Variants in ARFGEF3 observed in about 807,000 individuals in gnomAD.
The protein encoded by ARFGEF3 is ARFGEF family member 3, also known as brefeldin A-inhibited guanine nucleotide-exchange protein 3.
ARFGEF3 carries 96 observed loss-of-function variants against 221.7 expected under a neutral mutation model. The observed-to-expected ratio is 0.43, with a 90% confidence interval of 0.37 to 0.51. The LOEUF is 0.51. ARFGEF3 is among the 20% of genes least tolerant of loss of function. ARFGEF3 has a pLI of 0.00. For missense variants in ARFGEF3, 2,410 were observed against 2,789.9 expected (o/e 0.86, Z 3.07); for synonymous variants, 1,145 against 1,126.8 (o/e 1.02, Z -0.32).
chr6:138,313,724 T>C lies in ARFGEF3; in HGVS notation c.4201-71T>C, dbSNP rs1779870688. Reference sequence around the variant, plus strand: ...CTTTTAGTACTAGTGTATAATTTCATTATTCTTTAAAACCCACAATGCAGC... The same window carrying C: ...CTTTTAGTACTAGTGTATAATTTCACTATTCTTTAAAACCCACAATGCAGC... On this transcript the variant is annotated intron_variant, in intron 25 of 33. Transcript: ENST00000251691. The C allele has an allele frequency of 2.3e-6, 3 of 1,279,836 alleles. No homozygotes were observed. In the East Asian group the frequency reaches 7.1e-5, roughly 30 times the overall value. The allele number at this position is 1,279,836 out of a possible 1,614,324, so 79.3% of individuals were successfully genotyped here. A position where few individuals can be genotyped will look rare whatever the true frequency, so the allele number is the denominator to read the frequency against.
rs765864713 is a variant in ARFGEF3, at chr6:138,336,658, C to T, written c.*172C>T. ...TCCAACCACTGATCAGCATTGGGGCCATACTAAGGTTTGTATCTAGATGAC... is the reference window on the plus strand; with the variant it reads ...TCCAACCACTGATCAGCATTGGGGCTATACTAAGGTTTGTATCTAGATGAC... On this transcript the variant is annotated 3_prime_UTR_variant, in exon 34 of 34. Transcript: ENST00000251691. 35 of 474,102 alleles carry T rather than the reference C, an allele frequency of 7.4e-5. No individual in the cohort carries two copies. Among genetic ancestry groups the T allele is most frequent in the Non-Finnish European group, 1.2e-4 (32 of 271,918 alleles). The allele number at this position is 474,102 out of a possible 1,614,324, so 29.4% of individuals were successfully genotyped here. A position where few individuals can be genotyped will look rare whatever the true frequency, so the allele number is the denominator to read the frequency against.
At chr6:138,228,848 G>A (rs923794734) in intron 4 of ARFGEF3, among the ~76,000 whole-genome samples, 1 of 152,254 alleles carries the variant, frequency 6.6e-6, no homozygotes, top group Non-Finnish European at 1.5e-5. Flanking sequence ...GCAGGGCATG[G>A]CTGTGGGGTT....
At chr6:138,323,966 C>T in intron 30 of ARFGEF3, 57 bp from the exon 31 acceptor site, 1 of 1,593,760 alleles carries the variant, frequency 6.3e-7, no homozygotes, top group Non-Finnish European at 8.6e-7. Flanking sequence ...AGATCCAAGA[C>T]TGAGCCCGGC....
intron 6 of ARFGEF3, among the ~76,000 whole-genome samples, chr6:138,240,727 C>G (rs780875820): frequency 6.6e-6 from 1 of 152,126 alleles, no homozygotes; most frequent in Non-Finnish European, 1.5e-5. Context: ...ACATAGGTCT[C>G]AGGTTGCTGG....
rs926455477 is a variant in ARFGEF3, at chr6:138,263,052, T to A, written c.1569T>A (p.Thr523=). ...CTCTCGAGGGAGAGTTGGGTCAGAC[T>A]ACACCCGAGGACCATTCGGGAAACC... The part of the protein sequence containing the change: ...QTTLEGELGQ[T]TPEDHSGNHK... The change falls in exon 12 of 34, where the codon ACT becomes ACA. Residue 523 remains threonine, a synonymous_variant. Coordinates refer to ENST00000251691, the MANE Select transcript of ARFGEF3 (RefSeq NM_020340.5). 11 of 1,612,502 alleles carry A rather than the reference T, an allele frequency of 6.8e-6. No homozygotes were observed. Among genetic ancestry groups the A allele is most frequent in the Non-Finnish European group, 8.5e-6 (10 of 1,179,368 alleles).
rs759984445 is a variant in ARFGEF3, at chr6:138,291,803, A to T, written c.3118A>T (p.Ile1040Phe). ...SDGASQPPLT[I>F]SQPQKATGSA... ...TGGTGCCTCGCAGCCCCCTCTGACC[A>T]TCAGCCAGCCCCAGAAGGCCACTGG... Residue 1040 changes from isoleucine (I) to phenylalanine (F), a missense_variant, in exon 19 of 34, where the codon ATC becomes TTC. Ile to Phe is a conservative substitution (Grantham distance 21). Coordinates refer to ENST00000251691, the MANE Select transcript of ARFGEF3 (RefSeq NM_020340.5). The surrounding 1 kb of genome is among the most constrained non-coding windows in gnomAD (Gnocchi z 4.5). 3 of 1,480,794 alleles carry T rather than the reference A, an allele frequency of 2.0e-6. No homozygotes were observed. The highest frequency in any genetic ancestry group is 2.6e-5 in the East Asian group (1 of 39,168). 91.7% of individuals were successfully genotyped at this position (1,480,794 alleles called of 1,614,324 possible).
At chr6:138,175,145 TGTG>T (rs1402173367) in intron 2 of ARFGEF3, among the ~76,000 whole-genome samples, 1 of 152,220 alleles carries the variant, frequency 6.6e-6, no homozygotes, top group East Asian at 1.9e-4. Context: ...TTATTGTTGA[TGTG>T]GTGAGCAACA....
intron 17 of ARFGEF3, among the ~76,000 whole-genome samples, chr6:138,288,460 G>A (rs1423536124): frequency 2.0e-5 from 3 of 151,950 alleles, no homozygotes; most frequent in Non-Finnish European, 4.4e-5. Context: ...AAGGTGGGCG[G>A]ATCATTTGAG....
intron 31 of ARFGEF3, among the ~76,000 whole-genome samples, chr6:138,325,382 A>G (rs1193360383): frequency 6.6e-6 from 1 of 152,232 alleles, no homozygotes; most frequent in Non-Finnish European, 1.5e-5. Context: ...GTAGTGGGAC[A>G]AGAACCTTCT....
intron 2 of ARFGEF3, among the ~76,000 whole-genome samples, chr6:138,181,323 CCT>C (rs1253647311): frequency 6.6e-6 from 1 of 152,214 alleles, no homozygotes; most frequent in Admixed American, 6.5e-5. Flanking sequence ...GGCCACTCAT[CCT>C]CTCTTTATGA....
chr6:138,322,056 T>A (rs551457416), intron 29 of ARFGEF3, among the ~76,000 whole-genome samples: 1 of 152,064 alleles, frequency 6.6e-6, no homozygotes, highest in South Asian at 2.1e-4. Flanking sequence ...TCTCTGGGGG[T>A]GTTTCTGGAT....
intron 29 of ARFGEF3, among the ~76,000 whole-genome samples, chr6:138,322,028 A>G (rs1205656803): frequency 6.6e-6 from 1 of 152,164 alleles, no homozygotes; most frequent in Non-Finnish European, 1.5e-5. Flanking sequence ...CATTTGGCCA[A>G]ACATTATTGT....
intron 24 of ARFGEF3, among the ~76,000 whole-genome samples, chr6:138,310,400 A>G (rs1267128565): frequency 6.6e-6 from 1 of 152,228 alleles, no homozygotes; most frequent in East Asian, 1.9e-4. Flanking sequence ...AAACATAGCC[A>G]TGTTCATTTG....
chr6:138,292,319 C>T (rs1779426625), intron 19 of ARFGEF3, among the ~76,000 whole-genome samples: 1 of 152,174 alleles, frequency 6.6e-6, no homozygotes, highest in East Asian at 1.9e-4. Flanking sequence ...CCTCCCTGGG[C>T]CCTGCCTGGC....
At chr6:138,227,278 T>G (rs1274182742) in intron 4 of ARFGEF3, among the ~76,000 whole-genome samples, 1 of 152,116 alleles carries the variant, frequency 6.6e-6, no homozygotes, top group African/African-American at 2.4e-5. Context: ...GAATCTTGAT[T>G]ACCAATACTG....
intron 2 of ARFGEF3, among the ~76,000 whole-genome samples, chr6:138,176,499 A>G (rs1052478905): frequency 2.6e-5 from 4 of 152,120 alleles, no homozygotes; most frequent in African/African-American, 9.7e-5. Flanking sequence ...TCTTTTTTAA[A>G]TCCTTTATGA....
At chr6:138,190,083 CA>C (rs1777269408) in intron 2 of ARFGEF3, among the ~76,000 whole-genome samples, 1 of 137,216 alleles carries the variant, frequency 7.3e-6, no homozygotes, top group Non-Finnish European at 1.6e-5. Flanking sequence ...GATTCTGTCT[CA>C]AAAAAAATAA....
intron 2 of ARFGEF3, among the ~76,000 whole-genome samples, chr6:138,187,040 T>C (rs1440077487): frequency 6.6e-6 from 1 of 150,464 alleles, no homozygotes; most frequent in Non-Finnish European, 1.5e-5. Context: ...CTCAGCCTCC[T>C]GAGTAGCTGG....
In ARFGEF3 at chr6:138,209,894, T is replaced by C. The variant is rs760805381; in HGVS notation, c.220-16T>C. The stretch of plus-strand genomic sequence containing the variant: ...GGAGAGCCTATCTGTGATCACTGCC[T>C]TGTGCCTCTTTACAGAAGCTTCTGT... On this transcript the variant is annotated splice_polypyrimidine_tract_variant and intron_variant, in intron 3 of 33. Transcript: ENST00000251691. 1 of 1,613,026 alleles carries C rather than the reference T, an allele frequency of 6.2e-7. No individual in the cohort carries two copies. The highest frequency in any genetic ancestry group is 1.1e-5 in the South Asian group (1 of 90,832).
Sources: allele counts gnomAD v4.1 joint callset (sites outside exome capture counted in the v4.1 genomes callset), GRCh38; gene constraint gnomAD v4.1.1; non-coding constraint Gnocchi (gnomAD v3.1); transcripts MANE v1.5; gene names NCBI Gene and HGNC (gene_info 2026-07-23, HGNC 2026-07-21).